The following PIK3CB variants were observed in gnomAD, a reference collection of about 807,000 sequenced individuals.
PIK3CB encodes phosphatidylinositol 4,5-bisphosphate 3-kinase catalytic subunit beta isoform.
A neutral mutation model predicts 136.8 loss-of-function variants in PIK3CB; 39 were observed. The ratio of observed to expected loss-of-function variants is 0.29; its 90% CI spans 0.22 to 0.37. PIK3CB has a LOEUF of 0.37. Ranked by LOEUF, PIK3CB falls within the 10% of genes least tolerant of loss-of-function variation. The pLI, the probability that PIK3CB is intolerant of heterozygous loss-of-function variation, is 1.00. For synonymous variants in PIK3CB, 428 were observed against 436.6 expected (o/e 0.98, Z 0.25); for missense variants, 868 against 1,275.4 (o/e 0.68, Z 4.87).
chr3:138,673,982 G>A (rs1401360748), intron 19 of PIK3CB, among the ~76,000 whole-genome samples: 1 of 152,126 alleles, frequency 6.6e-6, no homozygotes, highest in Non-Finnish European at 1.5e-5. Context: ...CACCTAGCAT[G>A]AACTGCCTTT....
At chr3:138,656,778 GT>G (rs987640769) in intron 22 of PIK3CB, among the ~76,000 whole-genome samples, 3 of 148,656 alleles carry the variant, frequency 2.0e-5, no homozygotes, top group South Asian at 2.1e-4. Flanking sequence ...ATCATCCAAT[GT>G]TTTTTTTTTG....
rs951719438 is a variant in PIK3CB at position 138,654,261 on chromosome 3, T to C, written c.*1128A>G. 9.3e-6 allele frequency: 2 copies of C among 214,084 alleles called. No individual in the cohort carries two copies. The highest frequency in any genetic ancestry group is 7.0e-5 in the East Asian group (1 of 14,266). The allele number at this position is 214,084 out of a possible 1,614,324, so 13.3% of individuals were successfully genotyped here. A position where few individuals can be genotyped will look rare whatever the true frequency, so the allele number is the denominator to read the frequency against. The stretch of plus-strand genomic sequence containing the variant: ...TCACCCATTTACACATTCAAACCAG[T>C]AGTTCCTATTGCACATATTAACATT... On this transcript the variant is annotated 3_prime_UTR_variant, in exon 24 of 24. Coordinates refer to ENST00000674063, the MANE Select transcript of PIK3CB (RefSeq NM_006219.3).
At chr3:138,803,236 G>A (rs2046196764) in intron 1 of PIK3CB, among the ~76,000 whole-genome samples, 2 of 152,210 alleles carry the variant, frequency 1.3e-5, no homozygotes, top group African/African-American at 2.4e-5. Context: ...TGGGAAGGGA[G>A]GTGGTGTCAA....
intron 4 of PIK3CB, among the ~76,000 whole-genome samples, chr3:138,744,418 AAAAAGG>A (rs2045309910): frequency 6.8e-6 from 1 of 147,036 alleles, no homozygotes; most frequent in Non-Finnish European, 1.5e-5. Context: ...AAAAAAAAAA[AAAAAGG>A]AAGTGGATCA....
chr3:138,737,866 C>T lies in PIK3CB; in HGVS notation c.642G>A (p.Val214=). ...CTTTGATAGGATTCATATTAGGAGA[C>T]ACTTGAAAGCTAAACACGTCCTGAA... is the stretch of plus-strand genomic sequence containing the variant. The part of the protein sequence containing the change: ...ENCQDVFSFQ[V]SPNMNPIKVN... The change falls in exon 6 of 24, where the codon GTG becomes GTA. Residue 214 remains valine, a synonymous_variant. Coordinates refer to ENST00000674063, the MANE Select transcript of PIK3CB (RefSeq NM_006219.3). 1.9e-6 allele frequency: 3 copies of T among 1,598,802 alleles called. No homozygotes were observed. Among genetic ancestry groups the T allele is most frequent in the South Asian group, 1.1e-5 (1 of 88,698 alleles).
At chr3:138,802,732 A>G (rs1404298124) in intron 1 of PIK3CB, among the ~76,000 whole-genome samples, 2 of 152,168 alleles carry the variant, frequency 1.3e-5, no homozygotes, top group Non-Finnish European at 2.9e-5. Context: ...TTACCCCAAC[A>G]TATCAGAATT....
At position 138,656,190 on chromosome 3, in the gene PIK3CB, A is replaced by G; in HGVS notation, c.3027T>C (p.Thr1009=). The G allele has an allele frequency of 6.2e-7, 1 of 1,614,168 alleles. No homozygotes were observed. Among genetic ancestry groups the G allele is most frequent in the East Asian group, 2.2e-5 (1 of 44,882 alleles). ...CTGATGTGAGTTCAGGAAGCCCTGC[A>G]GTCAACATCAGCGCAAAGAGAGTGA... ...LFITLFALML[T]AGLPELTSVK... Residue 1009 remains threonine, a synonymous_variant, in exon 23 of 24, where the codon ACT becomes ACC. Transcript: ENST00000674063.
At chr3:138,742,537 C>A in intron 5 of PIK3CB, 21 bp downstream of exon 5, 1 of 1,198,126 alleles carries the variant, frequency 8.3e-7, no homozygotes, top group Non-Finnish European at 1.2e-6. Flanking sequence ...CAAAATATTT[C>A]TTAAAAAAAT....
chr3:138,696,131 T>C (rs568733172), intron 13 of PIK3CB, among the ~76,000 whole-genome samples: 54 of 152,026 alleles, frequency 3.6e-4, no homozygotes, highest in African/African-American at 1.3e-3. Flanking sequence ...ATAAATTACA[T>C]AGTTACTTAG....
rs1005591915 is a variant in PIK3CB, at chr3:138,771,116, G to A, written c.-16-11757C>T. Among the ~76,000 whole-genome samples the A allele has an allele frequency of 1.2e-4, 19 of 152,064 alleles. No homozygotes were observed. In the East Asian group the frequency reaches 3.3e-3, roughly 26 times the overall value. On this transcript the variant is annotated intron_variant, in intron 2 of 23. Transcript: ENST00000674063. Reference sequence around the variant, plus strand: ...CATCTGGGCTTTGGTCCCTACCCCCGACGTTGCTCAAAGACAACAAATCAG... The same window carrying A: ...CATCTGGGCTTTGGTCCCTACCCCCAACGTTGCTCAAAGACAACAAATCAG...
chr3:138,759,990 CAGCTCACTGCA>C (rs2045639781), intron 2 of PIK3CB, among the ~76,000 whole-genome samples: 1 of 151,664 alleles, frequency 6.6e-6, no homozygotes, highest in South Asian at 2.1e-4. Context: ...AGTGACATCT[CAGCTCACTGCA>C]AGCTCCGCCT....
chr3:138,828,284 G>A (rs1166621030), intron 1 of PIK3CB, among the ~76,000 whole-genome samples: 1 of 146,004 alleles, frequency 6.8e-6, no homozygotes, highest in Admixed American at 7.0e-5. Context: ...CTCCCGGGTT[G>A]ACGCCATTCT....
chr3:138,655,797 G>A (rs1001216459), intron 23 of PIK3CB, among the ~76,000 whole-genome samples: 16 of 152,296 alleles, frequency 1.1e-4, no homozygotes, highest in African/African-American at 3.9e-4. Context: ...CCAGTAAGAT[G>A]ACTCAAGACC....
intron 1 of PIK3CB, among the ~76,000 whole-genome samples, chr3:138,799,715 TCACCCAGC>T (rs1046411694): frequency 1.2e-4 from 19 of 152,282 alleles, no homozygotes; most frequent in Admixed American, 3.3e-4. Flanking sequence ...TCTTGCTCTG[TCACCCAGC>T]CTGTTGTGCA....
At position 138,653,294 on chromosome 3, in the gene PIK3CB, T is replaced by C. The variant is rs1353275443; in HGVS notation, c.*2095A>G. On this transcript the variant is annotated 3_prime_UTR_variant, in exon 24 of 24. Coordinates refer to ENST00000674063, the MANE Select transcript of PIK3CB (RefSeq NM_006219.3). ...GCACAGATAATTAAAATAGGCTTCT[T>C]ACTTTCTGGGTTTGAATACTGGCTC... is the stretch of plus-strand genomic sequence containing the variant. The C allele has an allele frequency of 5.7e-6, 1 of 176,662 alleles. No individual in the cohort carries two copies. Among genetic ancestry groups the C allele is most frequent in the Non-Finnish European group, 1.2e-5 (1 of 82,048 alleles). The allele number at this position is 176,662 out of a possible 1,614,324, so 10.9% of individuals were successfully genotyped here.
At chr3:138,756,048 C>G in intron 3 of PIK3CB, 69 bp from the exon 4 acceptor site, 1 of 785,852 alleles carries the variant, frequency 1.3e-6, no homozygotes, top group Non-Finnish European at 2.2e-6. Context: ...TATAAGGATG[C>G]TCACTGCAGC....
At chr3:138,731,253 C>T (rs1426053790) in intron 8 of PIK3CB, among the ~76,000 whole-genome samples, 2 of 151,728 alleles carry the variant, frequency 1.3e-5, no homozygotes. Flanking sequence ...TTTTTCTTTT[C>T]CTTTCTTTTT....
intron 4 of PIK3CB, among the ~76,000 whole-genome samples, chr3:138,750,139 A>G (rs1174289931): frequency 6.6e-6 from 1 of 152,126 alleles, no homozygotes; most frequent in Non-Finnish European, 1.5e-5. Context: ...TTATCCTCCC[A>G]AAGTACTGGG....
In PIK3CB at chr3:138,734,627, AACTT is replaced by A; in HGVS notation, c.972+3_972+6del. On this transcript the variant is annotated splice_donor_5th_base_variant and intron_variant, in intron 7 of 23. Coordinates refer to ENST00000674063, the MANE Select transcript of PIK3CB (RefSeq NM_006219.3). Reference sequence around the variant, plus strand: ...GGGGTTACTAAAGGTTCAGAAATAAAACTTACAGAAATAATTCGTGTTTTCTTTG... The same window carrying A: ...GGGGTTACTAAAGGTTCAGAAATAAAACAGAAATAATTCGTGTTTTCTTTG... 6.3e-7 allele frequency: 1 copy of A among 1,598,924 alleles called. No individual in the cohort carries two copies. Among genetic ancestry groups the A allele is most frequent in the Non-Finnish European group, 8.6e-7 (1 of 1,169,394 alleles).
Sources: gnomAD v4.1 joint callset for allele counts (sites outside exome capture counted in the v4.1 genomes callset) on GRCh38, gnomAD v4.1.1 for gene constraint, MANE v1.5 for transcripts, NCBI Gene and HGNC (gene_info 2026-07-23, HGNC 2026-07-21) for gene names.